FMN2: variants seen among roughly 807,000 people sequenced by gnomAD.
FMN2 encodes the protein formin 2.
In FMN2, 51 loss-of-function variants were observed where a neutral mutation model predicts 142.3. That is an observed-to-expected ratio of 0.36 (90% CI 0.29 to 0.45). The LOEUF is 0.45. FMN2 is among the 20% of genes least tolerant of loss of function. The pLI, the probability that FMN2 is intolerant of heterozygous loss-of-function variation, is 1.00. For missense variants in FMN2, 1,936 were observed against 2,122.8 expected (o/e 0.91, Z 1.73); for synonymous variants, 882 against 869.8 (o/e 1.01, Z -0.25).
In FMN2 at chr1:240,138,064, CAAA is replaced by C. The variant is rs369637580; in HGVS notation, c.1782+14739_1782+14741del. On this transcript the variant is annotated intron_variant, in intron 2 of 17. Coordinates refer to ENST00000319653, the MANE Select transcript of FMN2 (RefSeq NM_020066.5). Reference sequence around the variant, plus strand: ...TGGGTGATAGAGCAAGACTCCATCTCAAAAAAAAAAAAAAAAAAAAAAGTAAAA... The same window carrying C: ...TGGGTGATAGAGCAAGACTCCATCTCAAAAAAAAAAAAAAAAAAAGTAAAA... Among the ~76,000 whole-genome samples, 334 of 95,578 alleles carry C rather than the reference CAAA, an allele frequency of 3.5e-3. 2 individuals are homozygous for C. Among genetic ancestry groups the C allele is most frequent in the African/African-American group, 0.013 (314 of 24,908 alleles). The allele number at this position is 95,578 out of a possible 152,430, so 62.7% of individuals were successfully genotyped here.
At chr1:240,227,123 C>A (rs6429193) in intron 6 of FMN2, among the ~76,000 whole-genome samples, 1 of 151,910 alleles carries the variant, frequency 6.6e-6, no homozygotes, top group Non-Finnish European at 1.5e-5. Context: ...AACTATTAGA[C>A]GTAACAAGGA....
At chr1:240,394,995 A>C (rs965663785) in intron 15 of FMN2, among the ~76,000 whole-genome samples, 3 of 152,154 alleles carry the variant, frequency 2.0e-5, no homozygotes, top group African/African-American at 7.2e-5. Context: ...TAAATTTTTT[A>C]AAAAGTGAAG....
chr1:240,174,905 T>C (rs1664855309), intron 2 of FMN2, among the ~76,000 whole-genome samples: 1 of 152,246 alleles, frequency 6.6e-6, no homozygotes, highest in Non-Finnish European at 1.5e-5. Context: ...TATATTCACA[T>C]TGTTGTGCAA....
At chr1:240,426,005 A>C (rs927762745) in intron 15 of FMN2, among the ~76,000 whole-genome samples, 1 of 152,236 alleles carries the variant, frequency 6.6e-6, no homozygotes, top group Admixed American at 6.5e-5. Context: ...CAAGATTTTA[A>C]ATAATACTTG....
chr1:240,463,149 T>A (rs77296216), intron 16 of FMN2, among the ~76,000 whole-genome samples: 4,408 of 152,238 alleles, frequency 0.029, 192 homozygotes, highest in African/African-American at 0.1. Flanking sequence ...ATGATTCCCG[T>A]GTTTGTAAAG....
chr1:240,376,459 T>C (rs1673047295), intron 14 of FMN2, among the ~76,000 whole-genome samples: 1 of 152,088 alleles, frequency 6.6e-6, no homozygotes, highest in Admixed American at 6.5e-5. Flanking sequence ...CGGCCCTTCA[T>C]ATCTGTGGGT....
At position 240,092,187 on chromosome 1, in the gene FMN2, G is replaced by T. The variant is rs755745219; in HGVS notation, c.78G>T (p.Ala26=). The change falls in exon 1 of 18, where the codon GCG becomes GCT. Residue 26 remains alanine (A), a synonymous_variant. Coordinates refer to ENST00000319653, the MANE Select transcript of FMN2 (RefSeq NM_020066.5). The part of the protein sequence containing the change: ...LHEGGGGAED[A]LGPRDVEATK... The stretch of plus-strand genomic sequence containing the variant: ...AAGGCGGCGGTGGCGCCGAGGATGC[G>T]CTGGGGCCCAGGGATGTGGAAGCCA... The T allele has an allele frequency of 1.7e-5, 27 of 1,581,530 alleles. No homozygotes were observed. The highest frequency in any genetic ancestry group is 2.3e-5 in the East Asian group (1 of 43,772).
At position 240,418,020 on chromosome 1, in the gene FMN2, C is replaced by T. The variant is rs112523992; in HGVS notation, c.4911-20041C>T. 5.7e-3 allele frequency among the ~76,000 whole-genome samples: 860 copies of T among 152,066 alleles called. 3 individuals carry two copies. Among genetic ancestry groups the T allele is most frequent in the Non-Finnish European group, 9.2e-3 (627 of 67,988 alleles). ...TCCTCTATTGATTAATGCTTCATCA[C>T]GCTTTCTTTTCACATTTTCCTGGCA... On this transcript the variant is annotated intron_variant, in intron 15 of 17. Transcript: ENST00000319653.
In FMN2 at chr1:240,360,774, T is replaced by A. The variant is rs565548000; in HGVS notation, c.4858+4866T>A. On this transcript the variant is annotated intron_variant, in intron 14 of 17. Coordinates refer to ENST00000319653, the MANE Select transcript of FMN2 (RefSeq NM_020066.5). ...AAGAAAATGTGGCACATATACACCA[T>A]GGAATACTATGCAGCCATAAAAAAG... Among the ~76,000 whole-genome samples the A allele has an allele frequency of 6.6e-5, 10 of 152,186 alleles. 1 individual carries two copies. The highest frequency in any genetic ancestry group is 1.3e-4 in the Non-Finnish European group (9 of 68,020).
intron 6 of FMN2, among the ~76,000 whole-genome samples, chr1:240,211,489 G>T (rs1034596661): frequency 2.0e-5 from 3 of 152,106 alleles, no homozygotes; most frequent in African/African-American, 7.2e-5. Context: ...CAAAATATCC[G>T]CCATTGTTTC....
At chr1:240,244,042 C>T (rs1558389892) in intron 6 of FMN2, among the ~76,000 whole-genome samples, 1 of 152,182 alleles carries the variant, frequency 6.6e-6, no homozygotes, top group Non-Finnish European at 1.5e-5. Flanking sequence ...TTTTCACATT[C>T]TGAGGTTCTG....
intron 14 of FMN2, among the ~76,000 whole-genome samples, chr1:240,365,483 TACAC>T (rs907469032): frequency 3.9e-5 from 6 of 152,198 alleles, no homozygotes; most frequent in Non-Finnish European, 8.8e-5. Context: ...ATGTTTTAGA[TACAC>T]ACATACATAC....
At chr1:240,254,431 G>A (rs1043534543) in intron 6 of FMN2, among the ~76,000 whole-genome samples, 2 of 152,118 alleles carry the variant, frequency 1.3e-5, no homozygotes, top group African/African-American at 4.8e-5. Flanking sequence ...CTGGGTGGTG[G>A]TCTTGGGCTC....
chr1:240,239,366 C>T (rs1247126564), intron 6 of FMN2, among the ~76,000 whole-genome samples: 2 of 152,094 alleles, frequency 1.3e-5, no homozygotes, highest in African/African-American at 4.8e-5. Flanking sequence ...GAAAATGATG[C>T]CATCAGAAAG....
chr1:240,124,107 G>C (rs6671047), intron 2 of FMN2, among the ~76,000 whole-genome samples: 2 of 152,096 alleles, frequency 1.3e-5, no homozygotes, highest in Non-Finnish European at 2.9e-5. Context: ...ACCTTTTGCT[G>C]TAATGCTGCT....
At chr1:240,159,806 T>C (rs1300761477) in intron 2 of FMN2, among the ~76,000 whole-genome samples, 5 of 151,274 alleles carry the variant, frequency 3.3e-5, no homozygotes, top group Non-Finnish European at 7.4e-5. Flanking sequence ...GTCATGGTGG[T>C]ATGAATGTTT....
At chr1:240,114,652 A>ATTTGTTTTTTTTTTTT in intron 1 of FMN2, among the ~76,000 whole-genome samples, 1 of 137,778 alleles carries the variant, frequency 7.3e-6, no homozygotes. Context: ...TAATTATATC[A>ATTTGTTTTTTTTTTTT]TTTCTTTTTT....
intron 15 of FMN2, among the ~76,000 whole-genome samples, chr1:240,419,182 A>G (rs185715352): frequency 2.6e-5 from 4 of 152,342 alleles, no homozygotes; most frequent in Non-Finnish European, 4.4e-5. Flanking sequence ...CACTTCTGAC[A>G]TTTTTACCCT....
intron 4 of FMN2, among the ~76,000 whole-genome samples, chr1:240,189,786 A>G (rs1303265213): frequency 6.6e-6 from 1 of 152,248 alleles, no homozygotes; most frequent in Non-Finnish European, 1.5e-5. Flanking sequence ...CACAGCGAAT[A>G]AGAGAAAGAA....
Sources: allele counts gnomAD v4.1 joint callset (sites outside exome capture counted in the v4.1 genomes callset), GRCh38; gene constraint gnomAD v4.1.1; transcripts MANE v1.5; gene names NCBI Gene and HGNC (gene_info 2026-07-23, HGNC 2026-07-21).